EPHA5: variants seen among roughly 807,000 people sequenced by gnomAD.
The protein encoded by EPHA5 is EPH receptor A5, also known as ephrin type-A receptor 5.
Under a neutral mutation model 105.0 loss-of-function variants are expected in EPHA5, and 60 were observed. The observed-to-expected ratio is 0.57, with a 90% confidence interval of 0.46 to 0.71. EPHA5 has a LOEUF of 0.71. Ranked by LOEUF, EPHA5 falls within the 30% of genes least tolerant of loss-of-function variation. The pLI, the probability that EPHA5 is intolerant of heterozygous loss-of-function variation, is 0.00. For synonymous variants in EPHA5, 513 were observed against 449.1 expected, an observed-to-expected ratio of 1.14 and a Z score of -1.80; for missense variants, 1,218 against 1,274.7, an observed-to-expected ratio of 0.96 and a Z score of 0.68.
chr4:65,385,678 A>G (rs1320821373), intron 8 of EPHA5, among the ~76,000 whole-genome samples: 1 of 151,870 alleles, frequency 6.6e-6, no homozygotes, highest in African/African-American at 2.4e-5. Context: ...TGTATACATA[A>G]CAGTGATTAA....
chr4:65,374,835 A>G (rs1374994399), intron 8 of EPHA5, among the ~76,000 whole-genome samples: 1 of 151,932 alleles, frequency 6.6e-6, no homozygotes, highest in Non-Finnish European at 1.5e-5. Context: ...GTTTTTGAAA[A>G]TTATTGACAT....
chr4:65,442,728 G>A (rs1241402390), intron 5 of EPHA5, among the ~76,000 whole-genome samples: 1 of 152,100 alleles, frequency 6.6e-6, no homozygotes, highest in African/African-American at 2.4e-5. Context: ...AATTACATAT[G>A]CCCACCACAA....
At chr4:65,485,701 A>G (rs566840412) in intron 5 of EPHA5, among the ~76,000 whole-genome samples, 5 of 152,244 alleles carry the variant, frequency 3.3e-5, no homozygotes, top group South Asian at 4.1e-4. Context: ...TTTGAATCCA[A>G]TTTTGAATCT....
At chr4:65,413,412 T>C (rs1392532074) in intron 7 of EPHA5, among the ~76,000 whole-genome samples, 1 of 152,290 alleles carries the variant, frequency 6.6e-6, no homozygotes, top group South Asian at 2.1e-4. Flanking sequence ...AAAGGGGATG[T>C]ATAATATAGT....
chr4:65,470,539 T>C (rs573903782), intron 5 of EPHA5, among the ~76,000 whole-genome samples: 1 of 152,296 alleles, frequency 6.6e-6, no homozygotes, highest in Non-Finnish European at 1.5e-5. Flanking sequence ...TTATCTGCTG[T>C]CTTGTAATAA....
At chr4:65,410,928 C>T (rs1026455593) in intron 7 of EPHA5, among the ~76,000 whole-genome samples, 12 of 151,968 alleles carry the variant, frequency 7.9e-5, no homozygotes, top group Non-Finnish European at 1.6e-4. Flanking sequence ...AGATAGATTC[C>T]GTTACAGTCT....
intron 2 of EPHA5, among the ~76,000 whole-genome samples, chr4:65,635,725 G>A (rs1241573249): frequency 6.6e-6 from 1 of 152,100 alleles, no homozygotes; most frequent in Admixed American, 6.6e-5. Context: ...AATTTCCAGG[G>A]AAAGATTATG....
intron 8 of EPHA5, among the ~76,000 whole-genome samples, chr4:65,390,360 A>G (rs1267803606): frequency 1.3e-5 from 2 of 152,092 alleles, no homozygotes. Flanking sequence ...TAGCCAATAT[A>G]CTTTCACATA....
At chr4:65,644,219 C>CA (rs397796670) in intron 1 of EPHA5, among the ~76,000 whole-genome samples, 156 of 149,920 alleles carry the variant, frequency 1.0e-3, no homozygotes, top group Non-Finnish European at 1.6e-3. Context: ...CACACACACA[C>CA]CCCCATGCAC....
chr4:65,348,349 A>G, intron 13 of EPHA5, 146 bp from the exon 14 acceptor site: 2 of 706,894 alleles, frequency 2.8e-6, no homozygotes, highest in Non-Finnish European at 4.6e-6. Context: ...CAAATCTCTC[A>G]GCCCATAAGC....
chr4:65,580,441 G>A (rs1396594375), intron 3 of EPHA5, among the ~76,000 whole-genome samples: 1 of 151,704 alleles, frequency 6.6e-6, no homozygotes, highest in East Asian at 1.9e-4. Context: ...AATATAAAAT[G>A]CAGTCCTTCC....
intron 5 of EPHA5, among the ~76,000 whole-genome samples, chr4:65,484,944 A>G (rs1014975634): frequency 1.3e-5 from 2 of 152,042 alleles, no homozygotes; most frequent in Admixed American, 1.3e-4. Context: ...ATAGAACAGA[A>G]CAACAGAAGT....
At chr4:65,556,516 C>A (rs907216861) in intron 3 of EPHA5, among the ~76,000 whole-genome samples, 15 of 152,210 alleles carry the variant, frequency 9.9e-5, no homozygotes, top group African/African-American at 3.6e-4. Context: ...CATTAAGTTA[C>A]GTTTCTATGA....
chr4:65,625,022 A>G (rs1369615569), intron 2 of EPHA5, among the ~76,000 whole-genome samples: 3 of 152,236 alleles, frequency 2.0e-5, no homozygotes, highest in Admixed American at 2.0e-4. Context: ...ATTGGCATAG[A>G]TAAAATGAAC....
chr4:65,555,161 T>C (rs543962046), intron 3 of EPHA5, among the ~76,000 whole-genome samples: 3 of 152,030 alleles, frequency 2.0e-5, no homozygotes, highest in Admixed American at 1.3e-4. Flanking sequence ...GAACATGTTT[T>C]GTCCCCCACC....
At chr4:65,537,513 A>G (rs1349925941) in intron 3 of EPHA5, among the ~76,000 whole-genome samples, 1 of 151,842 alleles carries the variant, frequency 6.6e-6, no homozygotes, top group Admixed American at 6.6e-5. Flanking sequence ...TCTACAAAAC[A>G]GGGTTAAGTC....
At chr4:65,564,548 C>T (rs1465716072) in intron 3 of EPHA5, among the ~76,000 whole-genome samples, 3 of 151,546 alleles carry the variant, frequency 2.0e-5, no homozygotes, top group African/African-American at 7.3e-5. Flanking sequence ...AGCATATGTG[C>T]GTGTTAACCG....
intron 3 of EPHA5, among the ~76,000 whole-genome samples, chr4:65,519,366 T>A (rs1225247880): frequency 6.6e-6 from 1 of 151,982 alleles, no homozygotes; most frequent in Non-Finnish European, 1.5e-5. Flanking sequence ...TAGGTATTGA[T>A]AGGATGTATC....
At chr4:65,619,014 G>C (rs1253013285) in intron 2 of EPHA5, among the ~76,000 whole-genome samples, 1 of 152,132 alleles carries the variant, frequency 6.6e-6, no homozygotes, top group African/African-American at 2.4e-5. Flanking sequence ...AATTAGCCGG[G>C]CATGGTGGCG....
Sources: gnomAD v4.1 joint callset for allele counts (sites outside exome capture counted in the v4.1 genomes callset) on GRCh38, gnomAD v4.1.1 for gene constraint, MANE v1.5 for transcripts, NCBI Gene and HGNC (gene_info 2026-07-23, HGNC 2026-07-21) for gene names.